Variants in ABTB3 observed in about 807,000 individuals in gnomAD.
ABTB3 encodes the protein ankyrin repeat and BTB domain containing 3, also known as ankyrin repeat- and BTB/POZ domain-containing protein 3.
chr12:107,568,974 A>C, the ABTB3 span, among the ~76,000 whole-genome samples: 1 of 152,318 alleles, frequency 6.6e-6, no homozygotes, highest in East Asian at 1.9e-4. Context: ...TTTCCTAAGT[A>C]GAGTTCTGAT....
At chr12:107,495,068 G>A in the ABTB3 span, among the ~76,000 whole-genome samples, 2 of 152,150 alleles carry the variant, frequency 1.3e-5, no homozygotes, top group East Asian at 1.9e-4. Context: ...TGGCCAGGAC[G>A]CCCAGCGCCC....
chr12:107,436,661 C>T, the ABTB3 span, among the ~76,000 whole-genome samples: 3 of 152,172 alleles, frequency 2.0e-5, no homozygotes, highest in Non-Finnish European at 4.4e-5. Context: ...AGGAATGTGG[C>T]CCTTGTGGGC....
chr12:107,602,360 T>C, the ABTB3 span, among the ~76,000 whole-genome samples: 3 of 152,248 alleles, frequency 2.0e-5, no homozygotes, highest in African/African-American at 7.2e-5. Flanking sequence ...CTGTAGTCTC[T>C]GTGTCTCTGT....
the ABTB3 span, among the ~76,000 whole-genome samples, chr12:107,489,136 T>C: frequency 6.6e-6 from 1 of 152,218 alleles, no homozygotes; most frequent in Non-Finnish European, 1.5e-5. Flanking sequence ...ATAGTGCTGA[T>C]GAAGGTGTGG....
chr12:107,629,314 C>T, the ABTB3 span, among the ~76,000 whole-genome samples: 1 of 152,068 alleles, frequency 6.6e-6, no homozygotes, highest in Non-Finnish European at 1.5e-5. Context: ...TCTCACCTAC[C>T]TGGGAGGCTG....
At chr12:107,334,826 A>G in the ABTB3 span, among the ~76,000 whole-genome samples, 1 of 152,154 alleles carries the variant, frequency 6.6e-6, no homozygotes, top group East Asian at 1.9e-4. Context: ...CCAAGTGTGG[A>G]GGAGAACTGG....
chr12:107,397,406 C>T, the ABTB3 span, among the ~76,000 whole-genome samples: 1 of 152,084 alleles, frequency 6.6e-6, no homozygotes, highest in Non-Finnish European at 1.5e-5. Flanking sequence ...ATATTTGGGT[C>T]TCCTATTCAG....
the ABTB3 span, among the ~76,000 whole-genome samples, chr12:107,627,045 C>T: frequency 2.0e-5 from 3 of 152,148 alleles, no homozygotes; most frequent in Non-Finnish European, 4.4e-5. Flanking sequence ...CTGACACGTT[C>T]CCAGTTCCAC....
the ABTB3 span, among the ~76,000 whole-genome samples, chr12:107,448,096 T>C: frequency 1.3e-5 from 2 of 152,136 alleles, no homozygotes; most frequent in Non-Finnish European, 2.9e-5. Flanking sequence ...ATTTTAGAGA[T>C]TAGAAGAATG....
the ABTB3 span, among the ~76,000 whole-genome samples, chr12:107,347,211 AT>A: frequency 6.6e-6 from 1 of 152,210 alleles, no homozygotes; most frequent in Non-Finnish European, 1.5e-5. Context: ...AACCAATTAC[AT>A]TCAGCCAAAT....
chr12:107,519,711 T>C, the ABTB3 span, among the ~76,000 whole-genome samples: 1 of 152,224 alleles, frequency 6.6e-6, no homozygotes, highest in Non-Finnish European at 1.5e-5. Flanking sequence ...ATCGTGTTTG[T>C]TAACATAGCT....
At chr12:107,652,836 AG>A in the ABTB3 span, among the ~76,000 whole-genome samples, 1 of 152,244 alleles carries the variant, frequency 6.6e-6, no homozygotes, top group Admixed American at 6.5e-5. Context: ...TGCTGAGCAC[AG>A]GGGGGATTAA....
chr12:107,469,843 C>CTCTT, the ABTB3 span, among the ~76,000 whole-genome samples: 22 of 148,500 alleles, frequency 1.5e-4, no homozygotes, highest in South Asian at 4.4e-4. Context: ...CTTCCTTTCT[C>CTCTT]TCTCTTTCTC....
the ABTB3 span, among the ~76,000 whole-genome samples, chr12:107,656,838 G>C: frequency 6.6e-6 from 1 of 152,154 alleles, no homozygotes; most frequent in Non-Finnish European, 1.5e-5. Context: ...TGTACTCTGT[G>C]ATTCTAAGAG....
At chr12:107,584,382 C>T in the ABTB3 span, among the ~76,000 whole-genome samples, 9 of 152,140 alleles carry the variant, frequency 5.9e-5, no homozygotes, top group African/African-American at 1.7e-4. Flanking sequence ...GGGACTTATC[C>T]GAGGTCACAC....
chr12:107,581,456 G>T, the ABTB3 span: 1 of 573,618 alleles, frequency 1.7e-6, no homozygotes, highest in South Asian at 4.9e-5. Context: ...TGGCAGACGC[G>T]GGCTGAACAA....
At chr12:107,326,687 C>T in the ABTB3 span, among the ~76,000 whole-genome samples, 1 of 152,194 alleles carries the variant, frequency 6.6e-6, no homozygotes, top group South Asian at 2.1e-4. Flanking sequence ...TGTGGCACCT[C>T]ACCATGGTCC....
the ABTB3 span, among the ~76,000 whole-genome samples, chr12:107,557,240 A>G: frequency 9.2e-5 from 14 of 152,330 alleles, no homozygotes; most frequent in African/African-American, 3.1e-4. Context: ...CCTAAGCTAC[A>G]TGGTAGAGCC....
chr12:107,335,561 A>T, the ABTB3 span, among the ~76,000 whole-genome samples: 1 of 152,012 alleles, frequency 6.6e-6, no homozygotes, highest in East Asian at 1.9e-4. Flanking sequence ...TTCTTCTTGT[A>T]TCTGTTTTAT....
Sources: allele counts gnomAD v4.1 joint callset (sites outside exome capture counted in the v4.1 genomes callset), GRCh38; gene constraint gnomAD v4.1.1; transcripts MANE v1.5; gene names NCBI Gene and HGNC (gene_info 2026-07-23, HGNC 2026-07-21).